Variants in OPRM1 observed in about 807,000 individuals in gnomAD.
OPRM1 encodes the protein opioid receptor mu 1, also known as mu-type opioid receptor.
OPRM1 carries 27 observed loss-of-function variants against 31.8 expected under a neutral mutation model. The ratio of observed to expected loss-of-function variants is 0.85; its 90% CI spans 0.63 to 1.17. The LOEUF (loss-of-function observed/expected upper bound fraction) is 1.17. Among genes scored for constraint, OPRM1 ranks in the 50% most tolerant of loss-of-function variants. OPRM1 has a pLI of 0.00. For synonymous variants in OPRM1, 196 were observed against 189.9 expected, an observed-to-expected ratio of 1.03 and a Z score of -0.26; for missense variants, 536 against 511.1, an observed-to-expected ratio of 1.05 and a Z score of -0.47.
At chr6:154,186,523 C>T (rs1456642181) in intron 3 of OPRM1, among the ~76,000 whole-genome samples, 1 of 152,114 alleles carries the variant, frequency 6.6e-6, no homozygotes, top group African/African-American at 2.4e-5. Context: ...CCCTCATGTC[C>T]GTGCACGGAG....
At chr6:154,063,024 TC>T (rs1468481315) in intron 1 of OPRM1, among the ~76,000 whole-genome samples, 1 of 151,992 alleles carries the variant, frequency 6.6e-6, no homozygotes, top group African/African-American at 2.4e-5. Flanking sequence ...TATTAAACAT[TC>T]CAAGTAGTTA....
At chr6:154,194,433 CCTTT>C (rs982265082) in intron 3 of OPRM1, among the ~76,000 whole-genome samples, 6 of 152,186 alleles carry the variant, frequency 3.9e-5, no homozygotes, top group South Asian at 4.2e-4. Flanking sequence ...TAAATTTATT[CCTTT>C]CTGAGTGGAA....
intron 3 of OPRM1, among the ~76,000 whole-genome samples, chr6:154,192,318 CTGTGTGTGTGTGTG>C (rs56231733): frequency 3.6e-4 from 54 of 148,132 alleles, no homozygotes; most frequent in African/African-American, 1.2e-3. Context: ...CACGTGGTTA[CTGTGTGTGTGTGTG>C]TGTGTGTGTG....
At chr6:154,227,868 T>C (rs767528467) in intron 3 of OPRM1, among the ~76,000 whole-genome samples, 5 of 152,168 alleles carry the variant, frequency 3.3e-5, no homozygotes, top group Non-Finnish European at 7.3e-5. Flanking sequence ...ACCTTAGTGT[T>C]TCCCCAGGAA....
chr6:154,071,718 ATT>A (rs975617074), intron 1 of OPRM1, among the ~76,000 whole-genome samples: 2 of 152,184 alleles, frequency 1.3e-5, no homozygotes, highest in Non-Finnish European at 2.9e-5. Flanking sequence ...AGCATCAGTA[ATT>A]TTTTATCTAG....
chr6:154,220,240 T>C (rs1259862811), intron 3 of OPRM1, among the ~76,000 whole-genome samples: 1 of 152,162 alleles, frequency 6.6e-6, no homozygotes, highest in Non-Finnish European at 1.5e-5. Flanking sequence ...AGGCGTTCCA[T>C]TAACATATTT....
At chr6:154,117,409 C>T (rs1016502752) in intron 3 of OPRM1, among the ~76,000 whole-genome samples, 2 of 152,158 alleles carry the variant, frequency 1.3e-5, no homozygotes, top group African/African-American at 4.8e-5. Context: ...AAGACCCAGG[C>T]AATTGACTAC....
intron 3 of OPRM1, among the ~76,000 whole-genome samples, chr6:154,246,430 A>C (rs1411988619): frequency 6.6e-6 from 1 of 152,208 alleles, no homozygotes; most frequent in Non-Finnish European, 1.5e-5. Context: ...AGCATAACCT[A>C]CATATCTACT....
At chr6:154,212,091 A>G (rs1778007022) in intron 3 of OPRM1, among the ~76,000 whole-genome samples, 1 of 152,220 alleles carries the variant, frequency 6.6e-6, no homozygotes, top group South Asian at 2.1e-4. Context: ...ACATCCTAGT[A>G]CATGGTAGGT....
chr6:154,219,636 A>C (rs1778693823), intron 3 of OPRM1, among the ~76,000 whole-genome samples: 1 of 152,056 alleles, frequency 6.6e-6, no homozygotes, highest in Non-Finnish European at 1.5e-5. Context: ...AACTGATGCA[A>C]ATAAAAAAAA....
chr6:154,012,635 A>C (rs772849199), intron 1 of OPRM1, among the ~76,000 whole-genome samples: 1 of 152,072 alleles, frequency 6.6e-6, no homozygotes, highest in Non-Finnish European at 1.5e-5. Context: ...ATTCATTTTC[A>C]GCAATGTTCA....
At chr6:154,105,984 T>C (rs1795509342) in intron 3 of OPRM1, among the ~76,000 whole-genome samples, 1 of 152,230 alleles carries the variant, frequency 6.6e-6, no homozygotes, top group Admixed American at 6.5e-5. Flanking sequence ...ATCAGTGCTC[T>C]AGGAAAAAGC....
Position 154,119,012 on chromosome 6 carries a change from A to G in OPRM1, c.*291A>G. On this transcript the variant is annotated 3_prime_UTR_variant, in exon 4 of 4. Transcript: ENST00000330432. ...GTATGTGAATTGAAGTCATCATAAAAGGTGACCCTTCTGTCTGTAAGATTT... is the reference window on the plus strand; with the variant it reads ...GTATGTGAATTGAAGTCATCATAAAGGGTGACCCTTCTGTCTGTAAGATTT... 8.6e-7 allele frequency: 1 copy of G among 1,156,938 alleles called. No individual in the cohort carries two copies. The highest frequency in any genetic ancestry group is 1.1e-6 in the Non-Finnish European group (1 of 939,246). 71.7% of individuals were successfully genotyped at this position (1,156,938 alleles called of 1,614,324 possible). A position where few individuals can be genotyped will look rare whatever the true frequency, so the allele number is the denominator to read the frequency against.
chr6:154,101,610 T>G (rs1209172032), intron 3 of OPRM1, among the ~76,000 whole-genome samples: 1 of 152,198 alleles, frequency 6.6e-6, no homozygotes, highest in Non-Finnish European at 1.5e-5. Flanking sequence ...ATGCAAAATG[T>G]TCACAGTTCT....
chr6:154,188,339 A>G (rs1801566500), intron 3 of OPRM1, among the ~76,000 whole-genome samples: 1 of 152,236 alleles, frequency 6.6e-6, no homozygotes, highest in African/African-American at 2.4e-5. Context: ...GAAATTTATT[A>G]TAAGATGTAA....
At chr6:154,203,326 GC>G (rs1399546603) in intron 3 of OPRM1, among the ~76,000 whole-genome samples, 7 of 152,160 alleles carry the variant, frequency 4.6e-5, no homozygotes, top group Admixed American at 1.3e-4. Flanking sequence ...TAGGTGCTTT[GC>G]CTGGTGCTTC....
At chr6:154,212,939 G>A (rs1360523994) in intron 3 of OPRM1, 1 of 919,160 alleles carries the variant, frequency 1.1e-6, no homozygotes, top group South Asian at 1.4e-5. Flanking sequence ...ATCTCCATCT[G>A]GCTATTGCAA....
chr6:154,023,694 T>C (rs1291455109), intron 1 of OPRM1, among the ~76,000 whole-genome samples: 1 of 152,194 alleles, frequency 6.6e-6, no homozygotes, highest in Non-Finnish European at 1.5e-5. Context: ...TTGTCATATA[T>C]AGCTTTTATT....
intron 3 of OPRM1, chr6:154,159,434 A>G (rs141722456): frequency 4.6e-6 from 1 of 217,314 alleles, no homozygotes; most frequent in East Asian, 1.7e-4. Flanking sequence ...TGGAATATGT[A>G]CATTCTTCTT....
Sources: allele counts gnomAD v4.1 joint callset (sites outside exome capture counted in the v4.1 genomes callset), GRCh38; gene constraint gnomAD v4.1.1; transcripts MANE v1.5; gene names NCBI Gene and HGNC (gene_info 2026-07-23, HGNC 2026-07-21).